Variants in CNOT10 observed in about 807,000 individuals in gnomAD.
CNOT10 encodes the protein CCR4-NOT transcription complex, subunit 10.
In CNOT10, 30 loss-of-function variants were observed where a neutral mutation model predicts 94.6. The observed-to-expected ratio is 0.32, with a 90% CI of 0.24 to 0.43. The LOEUF is 0.43. Among genes scored for constraint, CNOT10 ranks in the 20% least tolerant of loss-of-function variants. CNOT10 has a pLI of 1.00. For missense variants in CNOT10, 759 were observed against 877.2 expected (o/e 0.87, Z 1.70); for synonymous variants, 289 against 301.6 (o/e 0.96, Z 0.43).
chr3:32,727,781 G>C lies in CNOT10; in HGVS notation c.1126G>C (p.Glu376Gln), dbSNP rs770554372. Reference sequence around the variant, plus strand: ...CATTGGAAGGCCTCTTGCTGCCTTCGAATGTCTGATTGAAGCTGTTCAGGT... The same window carrying C: ...CATTGGAAGGCCTCTTGCTGCCTTCCAATGTCTGATTGAAGCTGTTCAGGT... Reference protein sequence around the residue: ...LHIGRPLAAFECLIEAVQVYH... With the variant: ...LHIGRPLAAFQCLIEAVQVYH... Residue 376 changes from glutamate (E) to glutamine (Q), a missense_variant, in exon 10 of 19, where the codon GAA becomes CAA. Glu to Gln is a conservative substitution (Grantham distance 29). Coordinates refer to ENST00000328834, the MANE Select transcript of CNOT10 (RefSeq NM_015442.3). 2 of 1,613,746 alleles carry C rather than the reference G, an allele frequency of 1.2e-6. No individual in the cohort carries two copies. The highest frequency in any genetic ancestry group is 1.7e-6 in the Non-Finnish European group (2 of 1,179,928).
At chr3:32,757,098 T>G (rs963007218) in intron 13 of CNOT10, among the ~76,000 whole-genome samples, 2 of 128,338 alleles carry the variant, frequency 1.6e-5, no homozygotes, top group African/African-American at 6.0e-5. Flanking sequence ...AGAGCAAGAC[T>G]CCGTCTCAAA....
intron 1 of CNOT10, chr3:32,695,778 C>T: frequency 6.5e-7 from 1 of 1,535,872 alleles, no homozygotes; most frequent in Non-Finnish European, 8.7e-7. Flanking sequence ...ACGGAGACTA[C>T]TTTTGGGCAA....
chr3:32,734,656 C>T lies in CNOT10; in HGVS notation c.1338-144C>T, dbSNP rs1197001803. On this transcript the variant is annotated intron_variant, in intron 11 of 18. Coordinates refer to ENST00000328834, the MANE Select transcript of CNOT10 (RefSeq NM_015442.3). Reference sequence around the variant, plus strand: ...CTTAGGATTTGGGTTCTTTAGCATGCTTTTATAACTGCTTATATTAAAATT... The same window carrying T: ...CTTAGGATTTGGGTTCTTTAGCATGTTTTTATAACTGCTTATATTAAAATT... The T allele has an allele frequency of 6.3e-6, 4 of 633,724 alleles. No homozygotes were observed. In the East Asian group the frequency reaches 8.3e-5, roughly 13 times the overall value. 39.3% of individuals were successfully genotyped at this position (633,724 alleles called of 1,614,324 possible). A position where few individuals can be genotyped will look rare whatever the true frequency, so the allele number is the denominator to read the frequency against.
intron 13 of CNOT10, among the ~76,000 whole-genome samples, chr3:32,742,620 G>T (rs1699523869): frequency 6.6e-6 from 1 of 152,152 alleles, no homozygotes; most frequent in African/African-American, 2.4e-5. Flanking sequence ...GAGCTCAAGT[G>T]ATCTGCCCGC....
chr3:32,694,366 T>G (rs1349708829), intron 1 of CNOT10, among the ~76,000 whole-genome samples: 2 of 152,176 alleles, frequency 1.3e-5, no homozygotes. Context: ...ATAAGTTGTC[T>G]AAGTTCGGTG....
chr3:32,703,884 A>G lies in CNOT10; in HGVS notation c.39A>G (p.Lys13=), dbSNP rs1210091794. Residue 13 remains lysine (K), a synonymous_variant, in exon 2 of 19, where the codon AAA becomes AAG. Transcript: ENST00000328834. The stretch of plus-strand genomic sequence containing the variant: ...TGTTTGCAGATCAGGGAGCAGAGAA[A>G]CATGAAGGCACAGGTCAGTCCTCTG... ...ADKPADQGAE[K]HEGTGQSSGI... The G allele has an allele frequency of 6.2e-7, 1 of 1,613,438 alleles. No homozygotes were observed. The highest frequency in any genetic ancestry group is 8.5e-7 in the Non-Finnish European group (1 of 1,179,452).
intron 14 of CNOT10, 66 bp from the exon 15 acceptor site, chr3:32,762,667 T>G: frequency 3.4e-6 from 5 of 1,482,814 alleles, no homozygotes; most frequent in Admixed American, 2.3e-5. Context: ...ATACCCAGCA[T>G]TATTTTACAT....
intron 13 of CNOT10, among the ~76,000 whole-genome samples, chr3:32,751,863 G>A (rs1559510687): frequency 1.3e-5 from 2 of 152,144 alleles, no homozygotes; most frequent in Non-Finnish European, 2.9e-5. Flanking sequence ...GAACTCTACC[G>A]TAGAAGGATC....
rs143007786 is a variant in CNOT10, at chr3:32,747,156, C to G, written c.1595+9666C>G. On this transcript the variant is annotated intron_variant, in intron 13 of 18. Transcript: ENST00000328834. ...AATAGGCTTGGCAGGTGGCTCACAC[C>G]TGTAATCCCAGCACTTTGGGAGGCC... is the stretch of plus-strand genomic sequence containing the variant. Among the ~76,000 whole-genome samples the G allele has an allele frequency of 4.1e-3, 626 of 152,212 alleles. 4 individuals carry two copies. The highest frequency in any genetic ancestry group is 0.014 in the African/African-American group (581 of 41,548).
intron 13 of CNOT10, among the ~76,000 whole-genome samples, chr3:32,738,553 C>G (rs1340192484): frequency 6.6e-6 from 1 of 150,806 alleles, no homozygotes; most frequent in Admixed American, 6.6e-5. Context: ...AGCTCCGCCT[C>G]CTGGGTTCAC....
chr3:32,757,962 A>C (rs1052559867), intron 13 of CNOT10, among the ~76,000 whole-genome samples: 1 of 152,206 alleles, frequency 6.6e-6, no homozygotes, highest in Admixed American at 6.5e-5. Context: ...AACTTTTTCT[A>C]CCTGTTTAAA....
chr3:32,759,433 C>A, intron 13 of CNOT10, 25 bp from the exon 14 acceptor site: 1 of 1,486,996 alleles, frequency 6.7e-7, no homozygotes, highest in South Asian at 1.2e-5. Flanking sequence ...ATGAGATTTT[C>A]GGCCCCTTCC....
rs1208956429 is a variant in CNOT10, at chr3:32,765,675, GAAGT to G, written c.2004+871_2004+874del. ...GTCCCCCCAAAAAAAAAAGACAAAA[GAAGT>G]AAGTTGACAGTTTTAATTATTAAAA... On this transcript the variant is annotated intron_variant, in intron 17 of 18. Coordinates refer to ENST00000328834, the MANE Select transcript of CNOT10 (RefSeq NM_015442.3). Among the ~76,000 whole-genome samples the G allele has an allele frequency of 3.8e-5, 2 of 52,192 alleles. 1 individual carries two copies. The highest frequency in any genetic ancestry group is 8.6e-5 in the Non-Finnish European group (2 of 23,124). 34.2% of individuals were successfully genotyped at this position (52,192 alleles called of 152,430 possible). A position where few individuals can be genotyped will look rare whatever the true frequency, so the allele number is the denominator to read the frequency against.
At chr3:32,739,387 T>C (rs1048152343) in intron 13 of CNOT10, among the ~76,000 whole-genome samples, 14 of 152,210 alleles carry the variant, frequency 9.2e-5, no homozygotes, top group African/African-American at 2.9e-4. Flanking sequence ...TTTATTTTGC[T>C]CTTTTTTTAA....
intron 13 of CNOT10, among the ~76,000 whole-genome samples, chr3:32,754,519 T>C (rs1256959503): frequency 5.3e-5 from 2 of 37,454 alleles, no homozygotes; most frequent in Admixed American, 4.7e-4. Context: ...TTTATTTTAC[T>C]TTTTTTTTTT....
chr3:32,689,156 C>T (rs940549167), intron 1 of CNOT10, among the ~76,000 whole-genome samples: 1 of 151,968 alleles, frequency 6.6e-6, no homozygotes, highest in Admixed American at 6.6e-5. Context: ...AGTTTGAGAC[C>T]AGGCTGGCCA....
chr3:32,731,150 A>G (rs958810573), intron 10 of CNOT10: 1 of 152,208 alleles, frequency 6.6e-6, no homozygotes, highest in African/African-American at 2.4e-5. Context: ...ATGGTTTAAA[A>G]TATCCACTTT....
chr3:32,725,151 T>C (rs1434217934), intron 8 of CNOT10, among the ~76,000 whole-genome samples: 4 of 152,030 alleles, frequency 2.6e-5, no homozygotes, highest in East Asian at 1.9e-4. Context: ...GTAGGCAATA[T>C]AGTGAGACCC....
At chr3:32,769,993 C>T (rs745555343) in intron 18 of CNOT10, 31 bp downstream of exon 18, 12 of 1,558,698 alleles carry the variant, frequency 7.7e-6, no homozygotes, top group African/African-American at 1.4e-5. Flanking sequence ...AGGACTTTAT[C>T]CCTTGAAAGA....
Sources: gnomAD v4.1 joint callset for allele counts (sites outside exome capture counted in the v4.1 genomes callset) on GRCh38, gnomAD v4.1.1 for gene constraint, MANE v1.5 for transcripts, NCBI Gene and HGNC (gene_info 2026-07-23, HGNC 2026-07-21) for gene names.